The following CMSS1 variants were observed in gnomAD, a reference collection of about 807,000 sequenced individuals.
CMSS1 encodes cms1 ribosomal small subunit homolog, also known as protein CMSS1.
A neutral mutation model predicts 43.5 loss-of-function variants in CMSS1; 33 were observed. The ratio of observed to expected loss-of-function variants is 0.76; its 90% CI spans 0.57 to 1.01. The LOEUF (loss-of-function observed/expected upper bound fraction) is 1.01, where lower values mean the gene tolerates loss of function less well. Ranked by LOEUF, CMSS1 falls within the 50% of genes least tolerant of loss-of-function variation. The pLI is 0.00. For synonymous variants in CMSS1, 115 were observed against 117.2 expected (o/e 0.98, Z 0.12); for missense variants, 313 against 326.4 (o/e 0.96, Z 0.32).
At chr3:100,062,882 T>C (rs1310924652) in intron 1 of CMSS1, among the ~76,000 whole-genome samples, 1 of 152,198 alleles carries the variant, frequency 6.6e-6, no homozygotes, top group Non-Finnish European at 1.5e-5. Context: ...AAAGTGGACA[T>C]CATGAGACCT....
chr3:100,152,399 G>T (rs2066926919), intron 2 of CMSS1, among the ~76,000 whole-genome samples: 1 of 151,888 alleles, frequency 6.6e-6, no homozygotes, highest in Non-Finnish European at 1.5e-5. Flanking sequence ...GCTTCTGGGG[G>T]TTCACTCCAT....
chr3:100,091,295 A>G (rs1340761558), intron 1 of CMSS1, among the ~76,000 whole-genome samples: 2 of 149,742 alleles, frequency 1.3e-5, no homozygotes, highest in Non-Finnish European at 3.0e-5. Flanking sequence ...AAAAAAAAAA[A>G]AAAAAAAGAA....
chr3:99,894,735 A>C (rs1576554165), intron 1 of CMSS1, among the ~76,000 whole-genome samples: 1 of 152,218 alleles, frequency 6.6e-6, no homozygotes, highest in East Asian at 1.9e-4. Flanking sequence ...TACTCAACCC[A>C]TAATAAAGCT....
intron 1 of CMSS1, among the ~76,000 whole-genome samples, chr3:99,975,815 A>G (rs1465411760): frequency 6.6e-6 from 1 of 152,176 alleles, no homozygotes; most frequent in Non-Finnish European, 1.5e-5. Context: ...TGTAGAAGGA[A>G]AGTTTAGAAC....
At chr3:100,105,190 T>C (rs2066373671) in intron 1 of CMSS1, among the ~76,000 whole-genome samples, 1 of 152,184 alleles carries the variant, frequency 6.6e-6, no homozygotes, top group Non-Finnish European at 1.5e-5. Context: ...TTCTGGCCTG[T>C]TGACAAGGCT....
At chr3:99,848,187 C>T (rs1943455000) in intron 1 of CMSS1, 1 of 1,540,238 alleles carries the variant, frequency 6.5e-7, no homozygotes, top group Non-Finnish European at 8.7e-7. Flanking sequence ...CGAGTTCAGT[C>T]AGTCTTGGGG....
At position 100,179,242 on chromosome 3, in the gene CMSS1, C is replaced by G. The variant is rs2067170627; in HGVS notation, c.*854C>G. ...CATGTCAATTCCACCCCGGCCTCTT[C>G]CAAATTTCATGTTCTTCTCACATTT... On this transcript the variant is annotated 3_prime_UTR_variant, in exon 10 of 10. Transcript: ENST00000421999. 1.3e-5 allele frequency: 2 copies of G among 152,206 alleles called. No homozygotes were observed. The highest frequency in any genetic ancestry group is 3.9e-4 in the East Asian group (2 of 5,192). The allele number at this position is 152,206 out of a possible 1,614,324, so 9.4% of individuals were successfully genotyped here.
chr3:100,056,676 C>G (rs1344785432), intron 1 of CMSS1, among the ~76,000 whole-genome samples: 1 of 151,468 alleles, frequency 6.6e-6, no homozygotes, highest in Admixed American at 6.6e-5. Context: ...GACTGCCACA[C>G]AACCAGGTAG....
intron 1 of CMSS1, among the ~76,000 whole-genome samples, chr3:99,941,258 A>G (rs1391097545): frequency 6.6e-6 from 1 of 152,184 alleles, no homozygotes; most frequent in Non-Finnish European, 1.5e-5. Flanking sequence ...CTGAAGTGTT[A>G]TAAAGCTCAC....
chr3:100,093,179 A>G (rs1025092744), intron 1 of CMSS1, among the ~76,000 whole-genome samples: 1 of 152,172 alleles, frequency 6.6e-6, no homozygotes. Flanking sequence ...AAATCAAAAC[A>G]GGGACCTCTG....
intron 1 of CMSS1, among the ~76,000 whole-genome samples, chr3:99,949,869 A>T (rs1708124332): frequency 6.6e-6 from 1 of 152,228 alleles, no homozygotes. Context: ...CACAATTATT[A>T]CCAAGGACAT....
chr3:99,831,369 T>G (rs1249603680), intron 1 of CMSS1, among the ~76,000 whole-genome samples: 4 of 152,218 alleles, frequency 2.6e-5, no homozygotes, highest in Admixed American at 2.6e-4. Context: ...TTAACCCTGA[T>G]TAGTGGACTT....
At chr3:100,128,771 A>G (rs1207608061) in intron 1 of CMSS1, among the ~76,000 whole-genome samples, 1 of 152,204 alleles carries the variant, frequency 6.6e-6, no homozygotes, top group Non-Finnish European at 1.5e-5. Context: ...GTACTTCATC[A>G]TATCTGCTCC....
chr3:99,825,901 C>T (rs1942528670), intron 1 of CMSS1, among the ~76,000 whole-genome samples: 1 of 151,696 alleles, frequency 6.6e-6, no homozygotes, highest in Admixed American at 6.6e-5. Flanking sequence ...CCTCAGCCTC[C>T]TAAGTAGCTG....
chr3:99,910,342 G>A (rs1465200190), intron 1 of CMSS1, among the ~76,000 whole-genome samples: 2 of 136,576 alleles, frequency 1.5e-5, no homozygotes, highest in South Asian at 2.5e-4. Context: ...TCACACTGTC[G>A]ACTGATAGAA....
intron 4 of CMSS1, among the ~76,000 whole-genome samples, chr3:100,163,856 C>G (rs1445624596): frequency 6.6e-6 from 1 of 152,186 alleles, no homozygotes; most frequent in Non-Finnish European, 1.5e-5. Flanking sequence ...CTAGGCATAT[C>G]TAATATTGCT....
At chr3:99,879,958 G>A (rs955828396) in intron 1 of CMSS1, among the ~76,000 whole-genome samples, 3 of 152,116 alleles carry the variant, frequency 2.0e-5, no homozygotes, top group Non-Finnish European at 4.4e-5. Context: ...AGCTTTCGGT[G>A]TTTATTGCAC....
At chr3:100,031,529 A>T (rs988032448) in intron 1 of CMSS1, among the ~76,000 whole-genome samples, 3 of 152,136 alleles carry the variant, frequency 2.0e-5, no homozygotes, top group African/African-American at 7.2e-5. Context: ...AAGCCACGTT[A>T]CAGAACTAGA....
chr3:99,910,556 CT>C (rs1706756679), intron 1 of CMSS1, among the ~76,000 whole-genome samples: 1 of 136,830 alleles, frequency 7.3e-6, no homozygotes, highest in South Asian at 2.5e-4. Context: ...CCCCTTACCA[CT>C]TTCCAAGGAA....
Sources: gnomAD v4.1 joint callset for allele counts (sites outside exome capture counted in the v4.1 genomes callset) on GRCh38, gnomAD v4.1.1 for gene constraint, MANE v1.5 for transcripts, NCBI Gene and HGNC (gene_info 2026-07-23, HGNC 2026-07-21) for gene names.